The following IRF2BP1 variants were observed in gnomAD, a reference collection of about 807,000 sequenced individuals.
The protein encoded by IRF2BP1 is interferon regulatory factor 2-binding protein 1.
Under a neutral mutation model 38.6 loss-of-function variants are expected in IRF2BP1, and 9 were observed. That is an observed-to-expected ratio of 0.23 (90% confidence interval 0.14 to 0.41). The LOEUF (loss-of-function observed/expected upper bound fraction) is 0.41, where lower values mean the gene tolerates loss of function less well. Among genes scored for constraint, IRF2BP1 ranks in the 10% least tolerant of loss-of-function variants. IRF2BP1 has a pLI of 1.00. For synonymous variants in IRF2BP1, 416 were observed against 383.4 expected (o/e 1.08, Z -0.99); for missense variants, 631 against 829.6 (o/e 0.76, Z 2.94).
chr19:45,885,569 G>T lies in IRF2BP1; in HGVS notation c.206C>A (p.Pro69His). The T allele has an allele frequency of 6.8e-7, 1 of 1,477,578 alleles. No individual in the cohort carries two copies. The highest frequency in any genetic ancestry group is 8.9e-7 in the Non-Finnish European group (1 of 1,119,636). 91.5% of individuals were successfully genotyped at this position (1,477,578 alleles called of 1,614,324 possible). ...GGTGGCCGGGTGCTTAAGGGCCGGG[G>T]GCCCGGGCGAGCGGCCCTCGGGGAG... The part of the protein sequence containing the change: ...HVLPEGRSPG[P>H]PALKHPATKD... The change falls in exon 1 of 1, where the codon CCC becomes CAC. Residue 69 changes from proline to histidine, a missense_variant. Transcript: ENST00000302165.
chr19:45,885,244 T>C lies in IRF2BP1; in HGVS notation c.531A>G (p.Arg177=). The change falls in exon 1 of 1, where the codon CGA becomes CGG. Residue 177 remains arginine (R), a synonymous_variant. Transcript: ENST00000302165. ...LAAAVSGLGS[R]GLTLAPGLSP... ...TCAAGCCGGGTGCCAGCGTCAGGCCTCGGCTTCCCAGGCCAGACACTGCAG... is the reference window on the plus strand; with the variant it reads ...TCAAGCCGGGTGCCAGCGTCAGGCCCCGGCTTCCCAGGCCAGACACTGCAG... The C allele has an allele frequency of 6.2e-7, 1 of 1,603,912 alleles. No individual in the cohort carries two copies. The highest frequency in any genetic ancestry group is 8.5e-7 in the Non-Finnish European group (1 of 1,179,944).
rs1402187571 is a variant in IRF2BP1, at chr19:45,885,567, G to C, written c.208C>G (p.Pro70Ala). Residue 70 changes from proline (P) to alanine (A), a missense_variant, in exon 1 of 1, where the codon CCG (proline) becomes GCG (alanine). Pro to Ala is a conservative substitution (Grantham distance 27). This residue lies in a region of IRF2BP1 where 206 missense variants were observed against 207.0 expected (regional missense o/e 1.00). Transcript: ENST00000302165. Reference protein sequence around the residue: ...VLPEGRSPGPPALKHPATKDL... With the variant: ...VLPEGRSPGPAALKHPATKDL... ...TTGGTGGCCGGGTGCTTAAGGGCCG[G>C]GGGCCCGGGCGAGCGGCCCTCGGGG... is the stretch of plus-strand genomic sequence containing the variant. 1.4e-6 allele frequency: 2 copies of C among 1,475,026 alleles called. No homozygotes were observed. The highest frequency in any genetic ancestry group is 2.3e-5 in the Admixed American group (1 of 43,478). 91.4% of individuals were successfully genotyped at this position (1,475,026 alleles called of 1,614,324 possible). A position where few individuals can be genotyped will look rare whatever the true frequency, so the allele number is the denominator to read the frequency against.
chr19:45,884,134 C>T lies in IRF2BP1; in HGVS notation c.1641G>A (p.Pro547=), dbSNP rs367730044. The T allele has an allele frequency of 1.2e-6, 2 of 1,613,162 alleles. No homozygotes were observed. The highest frequency in any genetic ancestry group is 1.3e-5 in the African/African-American group (1 of 74,928). The change falls in exon 1 of 1, where the codon CCG becomes CCA. Residue 547 remains proline (P), a synonymous_variant. Transcript: ENST00000302165. ...CGACCAGCGGGCACTTGTCTCCGCT[C>T]GGGCAGTACACCTCCCCGGCCGGGC... The part of the protein sequence containing the change: ...AQGPAGEVYC[P]SGDKCPLVGS...
Position 45,884,300 on chromosome 19 carries a change from C to T in IRF2BP1, c.1475G>A (p.Gly492Asp). 1 of 1,610,080 alleles carries T rather than the reference C, an allele frequency of 6.2e-7. No individual in the cohort carries two copies. The highest frequency in any genetic ancestry group is 8.5e-7 in the Non-Finnish European group (1 of 1,178,966). ...GGGGGCCCCAGGGGTCGCCCCAGTG[C>T]CGCTGCCACCCCCGCTGACAGCTTC... is the stretch of plus-strand genomic sequence containing the variant. Reference protein sequence around the residue: ...GAEAVSGGGSGTGATPGAPLC... With the variant: ...GAEAVSGGGSDTGATPGAPLC... Residue 492 changes from glycine (G) to aspartate (D), a missense_variant, in exon 1 of 1, where the codon GGC becomes GAC. By Grantham distance (94) the Gly-to-Asp change is moderately conservative (BLOSUM62 -1). This residue lies in a region of IRF2BP1 where 201 missense variants were observed against 215.3 expected (regional missense o/e 0.93). Transcript: ENST00000302165.
chr19:45,884,704 C>G lies in IRF2BP1; in HGVS notation c.1071G>C (p.Pro357=), dbSNP rs1187135701. 6.2e-7 allele frequency: 1 copy of G among 1,608,220 alleles called. No individual in the cohort carries two copies. Among genetic ancestry groups the G allele is most frequent in the East Asian group, 2.2e-5 (1 of 44,782 alleles). ...AEALPQQYPE[P]APAALCGPPP... The stretch of plus-strand genomic sequence containing the variant: ...GTGGGCCACAGAGAGCCGCAGGGGC[C>G]GGCTCTGGGTACTGCTGGGGCAGGG... Residue 357 remains proline (P), a synonymous_variant, in exon 1 of 1, where the codon CCG becomes CCC. Transcript: ENST00000302165.
chr19:45,885,462 C>A lies in IRF2BP1; in HGVS notation c.313G>T (p.Gly105Cys), dbSNP rs868815194. The change falls in exon 1 of 1, where the codon GGC becomes TGC. Residue 105 changes from glycine to cysteine, a missense_variant. By Grantham distance (159) the Gly-to-Cys change is radical (BLOSUM62 -3). Around this residue, in one of 5 missense-constraint regions of IRF2BP1, gnomAD observed 206 missense variants for 207.0 expected, o/e 1.00. Transcript: ENST00000302165. ...TCATAGCGGTCCTGGCCCGACACGC[C>A]GCCGCCGGTCCCTGACGGCTGGGGC... Reference protein sequence around the residue: ...AQPQPSGTGGGVSGQDRYDRA... With the variant: ...AQPQPSGTGGCVSGQDRYDRA... The A allele has an allele frequency of 6.8e-7, 1 of 1,479,100 alleles. No individual in the cohort carries two copies. The highest frequency in any genetic ancestry group is 1.4e-5 in the South Asian group (1 of 72,952). 91.6% of individuals were successfully genotyped at this position (1,479,100 alleles called of 1,614,324 possible).
chr19:45,885,823 C>G lies in IRF2BP1; in HGVS notation c.-49G>C. ...GCTCCCGCGTTCCACCGGCCGCCGA[C>G]GTGCGATCCGCGCCGCCAACGTTCG... On this transcript the variant is annotated 5_prime_UTR_variant, in exon 1 of 1. Transcript: ENST00000302165. The G allele has an allele frequency of 8.1e-6, 12 of 1,472,396 alleles. No individual in the cohort carries two copies. Among genetic ancestry groups the G allele is most frequent in the Non-Finnish European group, 1.1e-5 (12 of 1,121,654 alleles). 91.2% of individuals were successfully genotyped at this position (1,472,396 alleles called of 1,614,324 possible).
chr19:45,885,570 G>T lies in IRF2BP1; in HGVS notation c.205C>A (p.Pro69Thr). The T allele has an allele frequency of 2.0e-6, 3 of 1,477,924 alleles. No homozygotes were observed. The highest frequency in any genetic ancestry group is 2.7e-6 in the Non-Finnish European group (3 of 1,119,824). 91.6% of individuals were successfully genotyped at this position (1,477,924 alleles called of 1,614,324 possible). The change falls in exon 1 of 1, where the codon CCC becomes ACC. Residue 69 changes from proline to threonine, a missense_variant. Pro to Thr is a conservative substitution (Grantham distance 38). Coordinates refer to ENST00000302165, the MANE Select transcript of IRF2BP1 (RefSeq NM_015649.3). ...GTGGCCGGGTGCTTAAGGGCCGGGGGCCCGGGCGAGCGGCCCTCGGGGAGC... is the reference window on the plus strand; with the variant it reads ...GTGGCCGGGTGCTTAAGGGCCGGGGTCCCGGGCGAGCGGCCCTCGGGGAGC... ...HVLPEGRSPG[P>T]PALKHPATKD...
chr19:45,885,373 G>A lies in IRF2BP1; in HGVS notation c.402C>T (p.Ser134=), dbSNP rs561550929. Residue 134 remains serine (S), a synonymous_variant, in exon 1 of 1, where the codon TCC becomes TCT. Coordinates refer to ENST00000302165, the MANE Select transcript of IRF2BP1 (RefSeq NM_015649.3). ...CACGGCCCAGCCCATTGGCCAGGCG[G>A]GACCCCAGAGTGTACTCCAGGGCGG... ...PSPALEYTLG[S]RLANGLGREE... is the part of the protein sequence containing the mutation. The A allele has an allele frequency of 1.9e-6, 3 of 1,608,662 alleles. No individual in the cohort carries two copies. Among genetic ancestry groups the A allele is most frequent in the East Asian group, 4.5e-5 (2 of 44,842 alleles).
chr19:45,885,420 CTGA>C lies in IRF2BP1; in HGVS notation c.352_354del (p.Ser118del), dbSNP rs766156210. The C allele has an allele frequency of 3.2e-6, 5 of 1,578,964 alleles. No homozygotes were observed. The highest frequency in any genetic ancestry group is 3.4e-6 in the Non-Finnish European group (4 of 1,163,490). On this transcript the variant is annotated inframe_deletion, in exon 1 of 1. Coordinates refer to ENST00000302165, the MANE Select transcript of IRF2BP1 (RefSeq NM_015649.3). The stretch of plus-strand genomic sequence containing the variant: ...GCGGGCGAGGGCAGGGGGAGGCGGC[CTGA>C]TGATGTGGCCCTGTCATAGCGGTCC...
rs934675449 is a variant in IRF2BP1 at position 45,886,045 on chromosome 19, G to T, written c.-271C>A. 3.1e-6 allele frequency: 1 copy of T among 318,540 alleles called. No homozygotes were observed. 19.7% of individuals were successfully genotyped at this position (318,540 alleles called of 1,614,324 possible). On this transcript the variant is annotated 5_prime_UTR_variant, in exon 1 of 1. Coordinates refer to ENST00000302165, the MANE Select transcript of IRF2BP1 (RefSeq NM_015649.3). Reference sequence around the variant, plus strand: ...CTCCGAGCCGAGGCGCACAGCTCGGGCCCCACGATGGGCCGCGAGCGCCGC... The same window carrying T: ...CTCCGAGCCGAGGCGCACAGCTCGGTCCCCACGATGGGCCGCGAGCGCCGC...
In IRF2BP1 at chr19:45,885,403, G is replaced by C. The variant is rs773388144; in HGVS notation, c.372C>G (p.Pro124=). ...RATSSGRLPL[P]SPALEYTLGS... ...CCAGAGTGTACTCCAGGGCGGGCGA[G>C]GGCAGGGGGAGGCGGCCTGATGATG... The change falls in exon 1 of 1, where the codon CCC becomes CCG. Residue 124 remains proline, a synonymous_variant. Coordinates refer to ENST00000302165, the MANE Select transcript of IRF2BP1 (RefSeq NM_015649.3). The C allele has an allele frequency of 1.1e-5, 18 of 1,596,272 alleles. No homozygotes were observed. Among genetic ancestry groups the C allele is most frequent in the East Asian group, 1.1e-4 (5 of 44,560 alleles).
rs769910697 is a variant in IRF2BP1, at chr19:45,884,542, C to T, written c.1233G>A (p.Pro411=). 1.9e-5 allele frequency: 30 copies of T among 1,599,510 alleles called. No individual in the cohort carries two copies. Among genetic ancestry groups the T allele is most frequent in the East Asian group, 1.3e-4 (6 of 44,856 alleles). Residue 411 remains proline, a synonymous_variant, in exon 1 of 1, where the codon CCG becomes CCA. Transcript: ENST00000302165. ...QQRHWVAPGG[P]YSAETPGVPS... ...GCACACCAGGGGTCTCAGCGGAGTACGGGCCGCCGGGTGCCACCCAGTGCC... is the reference window on the plus strand; with the variant it reads ...GCACACCAGGGGTCTCAGCGGAGTATGGGCCGCCGGGTGCCACCCAGTGCC...
In IRF2BP1 at chr19:45,885,882, C is replaced by G. The variant is rs893696036; in HGVS notation, c.-108G>C. 1.2e-5 allele frequency: 16 copies of G among 1,286,486 alleles called. No homozygotes were observed. Among genetic ancestry groups the G allele is most frequent in the Admixed American group, 4.0e-5 (1 of 25,066 alleles). The allele number at this position is 1,286,486 out of a possible 1,614,324, so 79.7% of individuals were successfully genotyped here. The stretch of plus-strand genomic sequence containing the variant: ...CCCGGGGACAGCGCGAGCCACGGTC[C>G]GGCCTCCGGCTCGGCCTCCCCGCCG... On this transcript the variant is annotated 5_prime_UTR_variant, in exon 1 of 1. Coordinates refer to ENST00000302165, the MANE Select transcript of IRF2BP1 (RefSeq NM_015649.3).
chr19:45,884,170 G>C lies in IRF2BP1; in HGVS notation c.1605C>G (p.Ile535Met). ...CCTCCCCGGCCGGGCCCTGCGCCTT[G>C]ATGAACTCCCGGGAGCAGGGAAAGC... ...KFCFPCSREF[I>M]KAQGPAGEVY... Residue 535 changes from isoleucine (I) to methionine (M), a missense_variant, in exon 1 of 1, where the codon ATC (isoleucine) becomes ATG (methionine). Ile to Met is a conservative substitution (Grantham distance 10). Transcript: ENST00000302165. The C allele has an allele frequency of 6.2e-7, 1 of 1,613,130 alleles. No individual in the cohort carries two copies.
chr19:45,883,654 CGGGGGGT>C lies in IRF2BP1; in HGVS notation c.*359_*365del, dbSNP rs375052638. The C allele has an allele frequency of 7.4e-5, 5 of 67,394 alleles. No homozygotes were observed. The highest frequency in any genetic ancestry group is 2.9e-4 in the African/African-American group (3 of 10,174). 4.2% of individuals were successfully genotyped at this position (67,394 alleles called of 1,614,324 possible). ...GGTTTATTGAAGGAGCAGAAGGGAGCGGGGGGTGGGGGGGTGGGAATTAAATGCTTTT... is the reference window on the plus strand; with the variant it reads ...GGTTTATTGAAGGAGCAGAAGGGAGCGGGGGGGTGGGAATTAAATGCTTTT... On this transcript the variant is annotated 3_prime_UTR_variant, in exon 1 of 1. Transcript: ENST00000302165.
In IRF2BP1 at chr19:45,884,587, G is replaced by A. The variant is rs921596171; in HGVS notation, c.1188C>T (p.Thr396=). The change falls in exon 1 of 1, where the codon ACC becomes ACT. Residue 396 remains threonine (T), a synonymous_variant. Coordinates refer to ENST00000302165, the MANE Select transcript of IRF2BP1 (RefSeq NM_015649.3). ...EPEGEAAGKM[T]TEEQQQRHWV... is the part of the protein sequence containing the mutation. ...AGTGCCGTTGCTGCTGCTCCTCGGT[G>A]GTCATCTTCCCAGCCGCCTCGCCCT... 3.1e-6 allele frequency: 5 copies of A among 1,599,246 alleles called. No individual in the cohort carries two copies. Among genetic ancestry groups the A allele is most frequent in the Middle Eastern group, 1.6e-4 (1 of 6,074 alleles).
chr19:45,885,513 GC>G lies in IRF2BP1; in HGVS notation c.261del (p.Gln89SerfsTer73). The G allele has an allele frequency of 7.0e-7, 1 of 1,425,412 alleles. No homozygotes were observed. The allele number at this position is 1,425,412 out of a possible 1,614,324, so 88.3% of individuals were successfully genotyped here. A position where few individuals can be genotyped will look rare whatever the true frequency, so the allele number is the denominator to read the frequency against. ...TGGGCCTGCGGGGGCGGCAGCTGGG[GC>G]CCCTGTGCGGCTGCCGCCGCCAGGT... ...TKDLAAAAAQ[G>X]PQLPPPQAQP... On this transcript the variant is annotated frameshift_variant, in exon 1 of 1. Coordinates refer to ENST00000302165, the MANE Select transcript of IRF2BP1 (RefSeq NM_015649.3). LOFTEE classifies it high-confidence loss of function.
At position 45,884,670 on chromosome 19, in the gene IRF2BP1, C is replaced by A. The variant is rs776215202; in HGVS notation, c.1105G>T (p.Ala369Ser). ...PAALCGPPPRAPSRNLAPTPR... is the reference protein window; with the variant it reads ...PAALCGPPPRSPSRNLAPTPR... ...GTGGGCGCCAGGTTCCGGGATGGGGCTCGCGGGGGTGGGCCACAGAGAGCC... is the reference window on the plus strand; with the variant it reads ...GTGGGCGCCAGGTTCCGGGATGGGGATCGCGGGGGTGGGCCACAGAGAGCC... The change falls in exon 1 of 1, where the codon GCC becomes TCC. Residue 369 changes from alanine (A) to serine (S), a missense_variant. Ala to Ser is a moderately conservative substitution (Grantham distance 99, BLOSUM62 1). Around this residue, in one of 5 missense-constraint regions of IRF2BP1, gnomAD observed 201 missense variants for 215.3 expected, o/e 0.93. Coordinates refer to ENST00000302165, the MANE Select transcript of IRF2BP1 (RefSeq NM_015649.3). 2 of 1,602,860 alleles carry A rather than the reference C, an allele frequency of 1.2e-6. No homozygotes were observed. Among genetic ancestry groups the A allele is most frequent in the East Asian group, 2.2e-5 (1 of 44,722 alleles).
Sources: gnomAD v4.1 joint callset for allele counts on GRCh38, gnomAD v4.1.1 for gene constraint, gnomAD v4.1.1 regional missense constraint, MANE v1.5 for transcripts, NCBI Gene and HGNC (gene_info 2026-07-23, HGNC 2026-07-21) for gene names.